The following EMB variants were observed in gnomAD, a reference collection of about 807,000 sequenced individuals.
The protein encoded by EMB is embigin.
A neutral mutation model predicts 41.4 loss-of-function variants in EMB; 31 were observed. The ratio of observed to expected loss-of-function variants is 0.75; its 90% CI spans 0.56 to 1.01. EMB has a LOEUF of 1.01. Among genes scored for constraint, EMB ranks in the 50% least tolerant of loss-of-function variants. The probability of loss-of-function intolerance (pLI) is 0.00; values close to 1 mark genes in which losing one functional copy is unlikely to be tolerated. For missense variants in EMB, 379 were observed against 388.3 expected, an observed-to-expected ratio of 0.98 and a Z score of 0.20; for synonymous variants, 137 against 140.4, an observed-to-expected ratio of 0.98 and a Z score of 0.17.
upstream of EMB, chr5:50,443,008 A>G (rs1745939577): frequency 6.6e-6 from 1 of 152,174 alleles, no homozygotes; most frequent in African/African-American, 2.4e-5. Flanking sequence ...AGAGTTGAGA[A>G]AGAAATATAA....
intron 2 of EMB, among the ~76,000 whole-genome samples, chr5:50,422,280 G>T (rs186734183): frequency 5.3e-5 from 8 of 152,132 alleles, no homozygotes; most frequent in African/African-American, 9.7e-5. Context: ...TTAATGGATT[G>T]GAGTAAAAGA....
intron 1 of EMB, among the ~76,000 whole-genome samples, chr5:50,431,793 T>G (rs1322121969): frequency 2.0e-5 from 3 of 152,122 alleles, no homozygotes; most frequent in Admixed American, 6.6e-5. Context: ...TAACATCAAA[T>G]AGTTGCTCAA....
chr5:50,407,341 G>A (rs915310529), intron 4 of EMB, among the ~76,000 whole-genome samples: 1 of 151,170 alleles, frequency 6.6e-6, no homozygotes, highest in African/African-American at 2.4e-5. Flanking sequence ...GAAGCATAAT[G>A]GAAGCTGCGA....
chr5:50,413,891 A>C (rs1745385436), intron 2 of EMB, among the ~76,000 whole-genome samples: 1 of 152,128 alleles, frequency 6.6e-6, no homozygotes, highest in African/African-American at 2.4e-5. Flanking sequence ...AAATTTTAAA[A>C]GGGAGAGAGA....
chr5:50,405,986 CTAATT>C, intron 4 of EMB, 134 bp from the exon 5 acceptor site: 1 of 1,271,596 alleles, frequency 7.9e-7, no homozygotes, highest in South Asian at 1.8e-5. Context: ...ATCAATGAAA[CTAATT>C]TATAGTAGTT....
chr5:50,402,717 G>C (rs1037204185), intron 6 of EMB, among the ~76,000 whole-genome samples: 1 of 151,728 alleles, frequency 6.6e-6, no homozygotes, highest in African/African-American at 2.4e-5. Context: ...TCTTTAATGA[G>C]AACTCTGGAA....
intron 1 of EMB, among the ~76,000 whole-genome samples, chr5:50,432,693 T>A (rs1370171294): frequency 1.4e-5 from 2 of 147,604 alleles, no homozygotes. Flanking sequence ...ATAAGGCATC[T>A]CTGAGTCCTG....
In EMB at chr5:50,428,233, A is replaced by T; in HGVS notation, c.113-6T>A. 1 of 1,598,828 alleles carries T rather than the reference A, an allele frequency of 6.3e-7. No individual in the cohort carries two copies. The highest frequency in any genetic ancestry group is 8.6e-7 in the Non-Finnish European group (1 of 1,166,926). On this transcript the variant is annotated splice_region_variant and splice_polypyrimidine_tract_variant and intron_variant, in intron 1 of 8. Transcript: ENST00000303221. ...TGGACTTGTAAAAGGCGAATCTATAAGAGAAAGAACACATGATTACACACT... is the reference window on the plus strand; with the variant it reads ...TGGACTTGTAAAAGGCGAATCTATATGAGAAAGAACACATGATTACACACT...
upstream of EMB, among the ~76,000 whole-genome samples, chr5:50,441,752 G>A (rs895061966): frequency 6.6e-6 from 1 of 152,152 alleles, no homozygotes; most frequent in African/African-American, 2.4e-5. Context: ...TCTAGTCTCT[G>A]AAGGCTTAAC....
At chr5:50,433,009 C>T (rs1399174412) in intron 1 of EMB, among the ~76,000 whole-genome samples, 1 of 151,742 alleles carries the variant, frequency 6.6e-6, no homozygotes, top group African/African-American at 2.4e-5. Context: ...ACCCGGCAGT[C>T]GGAGGTTGCA....
intron 2 of EMB, chr5:50,411,827 A>C (rs955250115): frequency 2.0e-5 from 3 of 152,328 alleles, no homozygotes; most frequent in African/African-American, 7.2e-5. Flanking sequence ...ACTACTAGAG[A>C]ATGTTTTGTG....
intron 2 of EMB, among the ~76,000 whole-genome samples, chr5:50,424,634 A>G (rs1348825776): frequency 6.6e-6 from 1 of 152,194 alleles, no homozygotes; most frequent in Non-Finnish European, 1.5e-5. Context: ...CAGGACTCTC[A>G]TTTTTAATGT....
chr5:50,439,953 G>A (rs1240192309), intron 1 of EMB, among the ~76,000 whole-genome samples: 1 of 152,174 alleles, frequency 6.6e-6, no homozygotes, highest in Non-Finnish European at 1.5e-5. Flanking sequence ...CTTGCAATAG[G>A]TTGGATGGAA....
At chr5:50,432,741 A>G (rs1745740608) in intron 1 of EMB, among the ~76,000 whole-genome samples, 1 of 134,772 alleles carries the variant, frequency 7.4e-6, no homozygotes, top group Non-Finnish European at 1.6e-5. Context: ...AAAAAAGAAG[A>G]AAAACAAGTA....
At chr5:50,423,827 G>A (rs973904744) in intron 2 of EMB, among the ~76,000 whole-genome samples, 18 of 152,284 alleles carry the variant, frequency 1.2e-4, no homozygotes, top group Non-Finnish European at 2.2e-4. Flanking sequence ...GGATTTGCAG[G>A]TTTAAAAAAA....
intron 4 of EMB, among the ~76,000 whole-genome samples, chr5:50,409,802 A>G (rs1432911532): frequency 6.6e-6 from 1 of 152,086 alleles, no homozygotes; most frequent in Non-Finnish European, 1.5e-5. Context: ...AAATGGAGGG[A>G]AAAAAGTTAA....
Position 50,428,216 on chromosome 5 carries a change from T to A in EMB, c.124A>T (p.Thr42Ser). ...ATTTCTTCTCTGAGAGGTGGACTTG[T>A]AAAAGGCGAATCTATAAGAGAAAGA... is the stretch of plus-strand genomic sequence containing the variant. ...ADGSAPDSPFTSPPLREEIMA... is the reference protein window; with the variant it reads ...ADGSAPDSPFSSPPLREEIMA... Residue 42 changes from threonine to serine, a missense_variant, in exon 2 of 9, where the codon ACA (threonine) becomes TCA (serine). Physicochemically the swap from Thr to Ser is moderately conservative, Grantham distance 58 (BLOSUM62 1). Transcript: ENST00000303221. 6.2e-7 allele frequency: 1 copy of A among 1,610,834 alleles called. No homozygotes were observed. Among genetic ancestry groups the A allele is most frequent in the East Asian group, 2.2e-5 (1 of 44,832 alleles).
intron 5 of EMB, 93 bp from the exon 6 acceptor site, chr5:50,403,547 C>A: frequency 4.5e-6 from 6 of 1,348,006 alleles, no homozygotes; most frequent in Non-Finnish European, 6.1e-6. Context: ...ATAATGCCAA[C>A]AATATTGCTT....
chr5:50,411,502 T>C lies in EMB; in HGVS notation c.197-119A>G, dbSNP rs754753621. ...ACAATTTCTTAATGTAACATTCATTTGAAGAATTATTCCTCTATCAACATA... is the reference window on the plus strand; with the variant it reads ...ACAATTTCTTAATGTAACATTCATTCGAAGAATTATTCCTCTATCAACATA... On this transcript the variant is annotated intron_variant, in intron 2 of 8. Coordinates refer to ENST00000303221, the MANE Select transcript of EMB (RefSeq NM_198449.3). 21 of 685,142 alleles carry C rather than the reference T, an allele frequency of 3.1e-5. No homozygotes were observed. In the African/African-American group the frequency reaches 3.5e-4, roughly 11 times the overall value. The allele number at this position is 685,142 out of a possible 1,614,324, so 42.4% of individuals were successfully genotyped here.
Sources: gnomAD v4.1 joint callset for allele counts (sites outside exome capture counted in the v4.1 genomes callset) on GRCh38, gnomAD v4.1.1 for gene constraint, MANE v1.5 for transcripts, NCBI Gene and HGNC (gene_info 2026-07-23, HGNC 2026-07-21) for gene names.